FMNL2: variants seen among roughly 807,000 people sequenced by gnomAD.
FMNL2 encodes formin-like protein 2.
A neutral mutation model predicts 130.2 loss-of-function variants in FMNL2; 51 were observed. The ratio of observed to expected loss-of-function variants is 0.39; its 90% CI spans 0.31 to 0.49. FMNL2 has a LOEUF of 0.49. Among genes scored for constraint, FMNL2 ranks in the 20% least tolerant of loss-of-function variants. The pLI is 0.85. For synonymous variants in FMNL2, 465 were observed against 467.1 expected (o/e 1.00, Z 0.06); for missense variants, 977 against 1,316.2 (o/e 0.74, Z 3.99).
intron 1 of FMNL2, among the ~76,000 whole-genome samples, chr2:152,396,522 G>A (rs376864052): frequency 6.6e-6 from 1 of 152,244 alleles, no homozygotes; most frequent in Non-Finnish European, 1.5e-5. Flanking sequence ...GCTCATTTCC[G>A]AAGATAACAT....
chr2:152,556,304 A>G (rs975000256), intron 4 of FMNL2, among the ~76,000 whole-genome samples: 3 of 152,200 alleles, frequency 2.0e-5, no homozygotes, highest in African/African-American at 7.2e-5. Flanking sequence ...TCAGGACTAG[A>G]TCAAATCCCA....
At chr2:152,368,800 T>G (rs1683708639) in intron 1 of FMNL2, among the ~76,000 whole-genome samples, 1 of 152,220 alleles carries the variant, frequency 6.6e-6, no homozygotes, top group African/African-American at 2.4e-5. Context: ...GTTTTGGTTT[T>G]GGGATGTGAA....
At chr2:152,451,271 C>T (rs1688630740) in intron 1 of FMNL2, among the ~76,000 whole-genome samples, 1 of 152,076 alleles carries the variant, frequency 6.6e-6, no homozygotes, top group Non-Finnish European at 1.5e-5. Context: ...GCCTCAGCCT[C>T]CCAAGTAGCT....
At chr2:152,418,866 T>A (rs1441507007) in intron 1 of FMNL2, among the ~76,000 whole-genome samples, 2 of 152,176 alleles carry the variant, frequency 1.3e-5, no homozygotes, top group Admixed American at 1.3e-4. Context: ...ATGTTTAGCT[T>A]TGTGAGGAAG....
intron 1 of FMNL2, among the ~76,000 whole-genome samples, chr2:152,407,914 A>G (rs920299259): frequency 4.6e-5 from 7 of 152,242 alleles, no homozygotes; most frequent in Middle Eastern, 3.2e-3. Flanking sequence ...CAGTTCCTGT[A>G]GCTCTTCCAA....
At chr2:152,520,778 G>A (rs1456419734) in intron 1 of FMNL2, among the ~76,000 whole-genome samples, 1 of 152,002 alleles carries the variant, frequency 6.6e-6, no homozygotes, top group Non-Finnish European at 1.5e-5. Flanking sequence ...CATTAAGTCA[G>A]GACAGCATAC....
intron 1 of FMNL2, among the ~76,000 whole-genome samples, chr2:152,388,172 G>A (rs1470365232): frequency 6.6e-6 from 1 of 152,138 alleles, no homozygotes; most frequent in Non-Finnish European, 1.5e-5. Flanking sequence ...TCACAGAGGA[G>A]GAAAATACTT....
intron 25 of FMNL2, among the ~76,000 whole-genome samples, chr2:152,645,064 C>A (rs1308346322): frequency 6.6e-6 from 1 of 152,174 alleles, no homozygotes; most frequent in Non-Finnish European, 1.5e-5. Flanking sequence ...GTTCTTCTAT[C>A]TCTGATATCA....
At chr2:152,407,054 G>T (rs1369858881) in intron 1 of FMNL2, among the ~76,000 whole-genome samples, 5 of 152,088 alleles carry the variant, frequency 3.3e-5, no homozygotes, top group Non-Finnish European at 7.4e-5. Flanking sequence ...TTCCATACTG[G>T]GTTGCTGGGA....
chr2:152,575,241 T>C lies in FMNL2; in HGVS notation c.702T>C (p.Tyr234=), dbSNP rs759990144. ...CIMCLRAIMN[Y]QYGFNMVMSH... is the part of the protein sequence containing the mutation. ...TGTGTTTACGTGCCATCATGAATTA[T>C]CAGGTATGTTGGAGCTTCTGGTTCT... Residue 234 remains tyrosine, a synonymous_variant, in exon 7 of 26, where the codon TAT becomes TAC. Coordinates refer to ENST00000288670, the MANE Select transcript of FMNL2 (RefSeq NM_052905.4). 2 of 1,579,846 alleles carry C rather than the reference T, an allele frequency of 1.3e-6. No individual in the cohort carries two copies. The highest frequency in any genetic ancestry group is 3.3e-4 in the Middle Eastern group (2 of 6,004).
At position 152,640,020 on chromosome 2, in the gene FMNL2, A is replaced by C; in HGVS notation, c.3009A>C (p.Leu1003=). 1 of 1,556,726 alleles carries C rather than the reference A, an allele frequency of 6.4e-7. No homozygotes were observed. The highest frequency in any genetic ancestry group is 1.2e-5 in the South Asian group (1 of 84,180). ...KQEQALMEKL[L]EQEALMEQQD... Reference sequence around the variant, plus strand: ...AACAAGCTCTCATGGAAAAACTCCTAGAGCAAGAAGCTCTGATGGAGCAGC... The same window carrying C: ...AACAAGCTCTCATGGAAAAACTCCTCGAGCAAGAAGCTCTGATGGAGCAGC... The change falls in exon 24 of 26, where the codon CTA becomes CTC. Residue 1003 remains leucine, a synonymous_variant. Coordinates refer to ENST00000288670, the MANE Select transcript of FMNL2 (RefSeq NM_052905.4).
chr2:152,399,796 G>A (rs6724305), intron 1 of FMNL2, among the ~76,000 whole-genome samples: 77,210 of 152,028 alleles, frequency 0.51, 21,020 homozygotes, highest in South Asian at 0.67. Flanking sequence ...TGACCTTAAT[G>A]TCTTTAATAG....
chr2:152,349,828 T>C (rs138979780), intron 1 of FMNL2, among the ~76,000 whole-genome samples: 1 of 152,376 alleles, frequency 6.6e-6, no homozygotes, highest in East Asian at 1.9e-4. Context: ...ACTGCTGGGC[T>C]GCACTTTTCA....
intron 1 of FMNL2, among the ~76,000 whole-genome samples, chr2:152,366,984 C>CAATA (rs1431093067): frequency 6.6e-6 from 1 of 151,654 alleles, no homozygotes; most frequent in Admixed American, 6.6e-5. Flanking sequence ...GACCCTGTCT[C>CAATA]AATAAATAAA....
chr2:152,594,717 G>C (rs937675824), intron 9 of FMNL2, among the ~76,000 whole-genome samples: 3 of 152,144 alleles, frequency 2.0e-5, no homozygotes, highest in African/African-American at 7.2e-5. Context: ...CAGCTCCCCT[G>C]TCCTACCCCA....
intron 2 of FMNL2, among the ~76,000 whole-genome samples, chr2:152,526,338 A>C (rs1693383228): frequency 6.6e-6 from 1 of 152,216 alleles, no homozygotes; most frequent in South Asian, 2.1e-4. Context: ...ACAGTGGTGA[A>C]GAAGCTGAAG....
chr2:152,616,327 G>GTTTT (rs36107333), intron 12 of FMNL2, among the ~76,000 whole-genome samples: 59 of 110,004 alleles, frequency 5.4e-4, no homozygotes, highest in Non-Finnish European at 6.9e-4. Context: ...ATTTTTGTGG[G>GTTTT]TTTTTTTTTT....
At chr2:152,344,725 G>A (rs1012008602) in intron 1 of FMNL2, among the ~76,000 whole-genome samples, 9 of 152,170 alleles carry the variant, frequency 5.9e-5, no homozygotes, top group African/African-American at 2.2e-4. Flanking sequence ...CCATTCTGTA[G>A]CCTAATTGTT....
Position 152,624,081 on chromosome 2 carries a change from T to G in FMNL2, c.1838-1357T>G, listed in dbSNP as rs1276891289. Among the ~76,000 whole-genome samples the G allele has an allele frequency of 1.2e-3, 2 of 1,676 alleles. 1 individual carries two copies. The highest frequency in any genetic ancestry group is 2.3e-3 in the Non-Finnish European group (2 of 884). The allele number at this position is 1,676 out of a possible 152,430, so 1.1% of individuals were successfully genotyped here. On this transcript the variant is annotated intron_variant, in intron 15 of 25. Transcript: ENST00000288670. Reference sequence around the variant, plus strand: ...CTCCCCTCCCCTCCCCTCCACTCAATTCCCTTCGCCTCCCCTCCCCTCCCT... The same window carrying G: ...CTCCCCTCCCCTCCCCTCCACTCAAGTCCCTTCGCCTCCCCTCCCCTCCCT...
Sources: allele counts gnomAD v4.1 joint callset (sites outside exome capture counted in the v4.1 genomes callset), GRCh38; gene constraint gnomAD v4.1.1; transcripts MANE v1.5; gene names NCBI Gene and HGNC (gene_info 2026-07-23, HGNC 2026-07-21).